Variants in STPG2 observed in about 807,000 individuals in gnomAD.
STPG2 encodes sperm-tail PG-rich repeat-containing protein 2.
STPG2 carries 56 observed loss-of-function variants against 54.2 expected under a neutral mutation model. The ratio of observed to expected loss-of-function variants is 1.03; its 90% CI spans 0.83 to 1.29. STPG2 has a LOEUF of 1.29. STPG2 is among the 50% of genes most tolerant of loss of function. STPG2 has a pLI of 0.00. For missense variants in STPG2, 596 were observed against 544.9 expected (o/e 1.09, Z -0.93); for synonymous variants, 200 against 181.8 (o/e 1.10, Z -0.81).
chr4:97,450,356 C>T (rs1342017071), intron 4 of STPG2, among the ~76,000 whole-genome samples: 1 of 151,862 alleles, frequency 6.6e-6, no homozygotes, highest in East Asian at 1.9e-4. Context: ...AAATTGTCAG[C>T]CAAAAATACA....
intron 8 of STPG2, among the ~76,000 whole-genome samples, chr4:97,941,561 G>A (rs1042106801): frequency 6.6e-6 from 1 of 151,864 alleles, no homozygotes; most frequent in African/African-American, 2.4e-5. Context: ...TGTTGTAAAA[G>A]AAATAAGTCT....
At chr4:98,141,310 C>T (rs1740275143) in intron 1 of STPG2, among the ~76,000 whole-genome samples, 1 of 152,166 alleles carries the variant, frequency 6.6e-6, no homozygotes. Context: ...ATAGAGAATA[C>T]CCTTTCCCCT....
At chr4:98,027,007 C>T (rs1268920443) in intron 5 of STPG2, among the ~76,000 whole-genome samples, 1 of 152,164 alleles carries the variant, frequency 6.6e-6, no homozygotes, top group Non-Finnish European at 1.5e-5. Flanking sequence ...GGAACATTCA[C>T]CAGGTTGTGC....
chr4:98,021,652 A>G (rs1028396737), intron 5 of STPG2, among the ~76,000 whole-genome samples: 8 of 151,910 alleles, frequency 5.3e-5, no homozygotes, highest in African/African-American at 1.9e-4. Flanking sequence ...GTGGGAGTCT[A>G]AGTCTCTTTG....
chr4:97,911,953 C>A (rs1234497662), intron 8 of STPG2, among the ~76,000 whole-genome samples: 1 of 152,066 alleles, frequency 6.6e-6, no homozygotes, highest in Non-Finnish European at 1.5e-5. Context: ...AGGTTCGTAC[C>A]CTTCTGGAAC....
At chr4:98,027,040 C>T (rs1736445966) in intron 5 of STPG2, among the ~76,000 whole-genome samples, 1 of 152,178 alleles carries the variant, frequency 6.6e-6, no homozygotes, top group Non-Finnish European at 1.5e-5. Context: ...ATGAGTCTGT[C>T]AAACTTATCA....
intron 9 of STPG2, among the ~76,000 whole-genome samples, chr4:97,772,175 G>C (rs1578550534): frequency 6.6e-6 from 1 of 152,162 alleles, no homozygotes; most frequent in East Asian, 1.9e-4. Flanking sequence ...TTGGAGCTAA[G>C]AGGCAATAAA....
intron 5 of STPG2, among the ~76,000 whole-genome samples, chr4:97,981,831 G>GTT (rs1734687878): frequency 1.8e-5 from 1 of 56,084 alleles, no homozygotes; most frequent in African/African-American, 5.9e-5. Context: ...TATATAAAAT[G>GTT]TTTATATATA....
chr4:97,704,239 A>T, intron 10 of STPG2, among the ~76,000 whole-genome samples: 1 of 152,180 alleles, frequency 6.6e-6, no homozygotes, highest in East Asian at 1.9e-4. Flanking sequence ...ACCATGAAAG[A>T]GTTTATGAAC....
At chr4:97,783,138 C>G (rs1240846181) in intron 9 of STPG2, among the ~76,000 whole-genome samples, 2 of 152,156 alleles carry the variant, frequency 1.3e-5, no homozygotes, top group Non-Finnish European at 2.9e-5. Context: ...TCAGAGTGAA[C>G]AGGCAACCTA....
intron 3 of STPG2, among the ~76,000 whole-genome samples, chr4:98,127,263 G>T (rs147801637): frequency 1.3e-5 from 2 of 151,970 alleles, no homozygotes; most frequent in Non-Finnish European, 2.9e-5. Context: ...CTGTGTGATG[G>T]GTACATAGGT....
At chr4:97,644,952 A>T (rs1721868408) in intron 10 of STPG2, among the ~76,000 whole-genome samples, 2 of 152,036 alleles carry the variant, frequency 1.3e-5, no homozygotes, top group African/African-American at 4.8e-5. Context: ...TCACAATGTC[A>T]TGCTCAAAAT....
chr4:98,100,217 A>C (rs530134089), intron 5 of STPG2, among the ~76,000 whole-genome samples: 1 of 152,274 alleles, frequency 6.6e-6, no homozygotes, highest in East Asian at 1.9e-4. Context: ...TCAGATCTGT[A>C]ATTAATTCAT....
chr4:98,024,519 T>C (rs191960204), intron 5 of STPG2, among the ~76,000 whole-genome samples: 1 of 152,340 alleles, frequency 6.6e-6, no homozygotes, highest in African/African-American at 2.4e-5. Context: ...TTTTCAATGA[T>C]AAATATAACC....
chr4:97,735,350 T>C (rs1011071237), intron 9 of STPG2, among the ~76,000 whole-genome samples: 1 of 151,348 alleles, frequency 6.6e-6, no homozygotes, highest in Non-Finnish European at 1.5e-5. Context: ...AGCTAAGCTA[T>C]GAGTATGCAA....
At chr4:98,019,558 G>A (rs971208147) in intron 5 of STPG2, among the ~76,000 whole-genome samples, 1 of 151,650 alleles carries the variant, frequency 6.6e-6, no homozygotes, top group Non-Finnish European at 1.5e-5. Context: ...GTGAAGAAAG[G>A]CATTGGTAGC....
At chr4:98,054,841 T>C (rs1004903998) in intron 5 of STPG2, among the ~76,000 whole-genome samples, 2 of 152,142 alleles carry the variant, frequency 1.3e-5, no homozygotes, top group African/African-American at 2.4e-5. Flanking sequence ...TTAATAAAAT[T>C]TTTTATTATA....
At chr4:97,905,997 G>C (rs989942628) in intron 8 of STPG2, among the ~76,000 whole-genome samples, 6 of 151,976 alleles carry the variant, frequency 3.9e-5, no homozygotes, top group Admixed American at 3.9e-4. Flanking sequence ...GCCAGCAGAA[G>C]GCAAGAAATA....
intron 8 of STPG2, among the ~76,000 whole-genome samples, chr4:97,888,125 G>C (rs1433253606): frequency 1.3e-5 from 2 of 152,220 alleles, no homozygotes; most frequent in African/African-American, 4.8e-5. Flanking sequence ...TGCAGGGGCA[G>C]AGCCTCAAAG....
Sources: gnomAD v4.1 joint callset for allele counts (sites outside exome capture counted in the v4.1 genomes callset) on GRCh38, gnomAD v4.1.1 for gene constraint, MANE v1.5 for transcripts, NCBI Gene and HGNC (gene_info 2026-07-23, HGNC 2026-07-21) for gene names.